Variants in KIAA1328 observed in about 807,000 individuals in gnomAD.
The protein encoded by KIAA1328 is protein hinderin.
In KIAA1328, 52 loss-of-function variants were observed where a neutral mutation model predicts 68.1. The ratio of observed to expected loss-of-function variants is 0.76; its 90% CI spans 0.61 to 0.96. KIAA1328 has a LOEUF of 0.96. Ranked by LOEUF, KIAA1328 falls within the 40% of genes least tolerant of loss-of-function variation. The probability of loss-of-function intolerance (pLI) is 0.00; values close to 1 mark genes in which losing one functional copy is unlikely to be tolerated. For synonymous variants in KIAA1328, 232 were observed against 239.4 expected, an observed-to-expected ratio of 0.97 and a Z score of 0.28; for missense variants, 641 against 677.6, an observed-to-expected ratio of 0.95 and a Z score of 0.60.
rs531426547 is a variant in KIAA1328 at position 37,043,892 on chromosome 18, AC to A, written c.577-22996del. Among the ~76,000 whole-genome samples, 21 of 152,246 alleles carry A rather than the reference AC, an allele frequency of 1.4e-4. 1 individual carries two copies. The South Asian group carries it at 3.9e-3, about 29-fold the overall frequency. On this transcript the variant is annotated intron_variant, in intron 6 of 9. Coordinates refer to ENST00000280020, the MANE Select transcript of KIAA1328 (RefSeq NM_020776.3). ...CTTGTTAAATATCTGACTGCCAGAC[AC>A]CTACCTGCCTCATCCAGTCAGTTCT... is the stretch of plus-strand genomic sequence containing the variant.
chr18:37,212,771 A>G (rs1161413761), intron 9 of KIAA1328, among the ~76,000 whole-genome samples: 2 of 152,142 alleles, frequency 1.3e-5, no homozygotes, highest in Non-Finnish European at 2.9e-5. Context: ...CCCAGGCTGG[A>G]GTGCACTGGC....
chr18:36,940,319 C>T (rs529616263), intron 5 of KIAA1328, among the ~76,000 whole-genome samples: 2 of 152,298 alleles, frequency 1.3e-5, no homozygotes, highest in Admixed American at 6.5e-5. Flanking sequence ...CAGGATTTTG[C>T]ATGTCTTAGA....
chr18:37,215,075 A>G (rs986796626), intron 9 of KIAA1328, among the ~76,000 whole-genome samples: 2 of 152,218 alleles, frequency 1.3e-5, no homozygotes, highest in African/African-American at 4.8e-5. Flanking sequence ...TTTTCTAAAT[A>G]TACCATCATG....
intron 7 of KIAA1328, chr18:37,074,617 T>C (rs577270716): frequency 6.6e-6 from 1 of 152,412 alleles, no homozygotes; most frequent in Admixed American, 6.5e-5. Flanking sequence ...GTTCACGTAG[T>C]TCTTGAGTCT....
At chr18:37,099,374 G>C (rs1182156622) in intron 7 of KIAA1328, among the ~76,000 whole-genome samples, 1 of 152,188 alleles carries the variant, frequency 6.6e-6, no homozygotes, top group Non-Finnish European at 1.5e-5. Context: ...TTTCCATGTA[G>C]TTGAGCGGTT....
chr18:36,933,972 G>A (rs183779979), intron 5 of KIAA1328, among the ~76,000 whole-genome samples: 100 of 152,274 alleles, frequency 6.6e-4, no homozygotes, highest in Admixed American at 1.4e-3. Flanking sequence ...CAGCTGCCCC[G>A]TGTGTAAAAG....
intron 3 of KIAA1328, among the ~76,000 whole-genome samples, chr18:36,838,927 G>A (rs755125642): frequency 2.5e-4 from 38 of 152,096 alleles, no homozygotes; most frequent in Non-Finnish European, 4.9e-4. Flanking sequence ...TAGAGATGGG[G>A]TTTCACCATG....
At chr18:36,971,535 A>G (rs920666043) in intron 6 of KIAA1328, among the ~76,000 whole-genome samples, 14 of 152,196 alleles carry the variant, frequency 9.2e-5, no homozygotes, top group South Asian at 2.1e-4. Flanking sequence ...AGACTGAGGC[A>G]GGAGAATCGC....
intron 7 of KIAA1328, among the ~76,000 whole-genome samples, chr18:37,108,555 A>G (rs1292949029): frequency 6.6e-6 from 1 of 152,244 alleles, no homozygotes; most frequent in African/African-American, 2.4e-5. Context: ...TTTAAAATAT[A>G]TAAATTTCTA....
intron 6 of KIAA1328, among the ~76,000 whole-genome samples, chr18:36,980,837 C>T (rs1256618071): frequency 6.6e-6 from 1 of 152,152 alleles, no homozygotes; most frequent in Non-Finnish European, 1.5e-5. Context: ...CTTGCACAAG[C>T]TCTCCTTGCC....
chr18:37,181,586 A>G lies in KIAA1328; in HGVS notation c.1523+8505A>G, dbSNP rs531234956. Among the ~76,000 whole-genome samples, 13 of 152,322 alleles carry G rather than the reference A, an allele frequency of 8.5e-5. No homozygotes were observed. The South Asian group carries it at 2.7e-3, about 32-fold the overall frequency. On this transcript the variant is annotated intron_variant, in intron 9 of 9. Coordinates refer to ENST00000280020, the MANE Select transcript of KIAA1328 (RefSeq NM_020776.3). Reference sequence around the variant, plus strand: ...GTGTAAGTTAGGAAAATAAAGACAAATAGGCTAGGCAGAAATAATAACGAT... The same window carrying G: ...GTGTAAGTTAGGAAAATAAAGACAAGTAGGCTAGGCAGAAATAATAACGAT...
intron 7 of KIAA1328, among the ~76,000 whole-genome samples, chr18:37,140,360 G>T (rs990145289): frequency 2.6e-5 from 4 of 152,010 alleles, no homozygotes; most frequent in Admixed American, 2.6e-4. Context: ...AAAACAAAAG[G>T]TTAATGTTTT....
chr18:36,992,039 A>C (rs759774944), intron 6 of KIAA1328, among the ~76,000 whole-genome samples: 3 of 152,196 alleles, frequency 2.0e-5, no homozygotes, highest in Non-Finnish European at 4.4e-5. Flanking sequence ...ACATCTTTTC[A>C]TAGGTATGTT....
At chr18:37,151,589 G>T (rs367597837) in intron 7 of KIAA1328, among the ~76,000 whole-genome samples, 1 of 152,072 alleles carries the variant, frequency 6.6e-6, no homozygotes, top group Middle Eastern at 3.2e-3. Flanking sequence ...TAAATAGATC[G>T]ATGGAAAAGA....
Position 37,054,785 on chromosome 18 carries a change from A to T in KIAA1328, c.577-12105A>T, listed in dbSNP as rs550414595. ...ATTATGCAGTACATCCACATAACAA[A>T]TTTGCACATGAACCCCCTGAATCTA... On this transcript the variant is annotated intron_variant, in intron 6 of 9. Coordinates refer to ENST00000280020, the MANE Select transcript of KIAA1328 (RefSeq NM_020776.3). 1.7e-4 allele frequency among the ~76,000 whole-genome samples: 26 copies of T among 152,276 alleles called. No homozygotes were observed. In the South Asian group the frequency reaches 3.7e-3, roughly 22 times the overall value.
intron 7 of KIAA1328, among the ~76,000 whole-genome samples, chr18:37,138,995 C>T (rs1231221252): frequency 1.7e-5 from 2 of 120,314 alleles, no homozygotes; most frequent in African/African-American, 3.5e-5. Flanking sequence ...CTCGCTGTGT[C>T]GCCCAGGCTG....
intron 1 of KIAA1328, chr18:36,829,398 G>A (rs2046377581): frequency 1.5e-6 from 2 of 1,355,226 alleles, no homozygotes; most frequent in Non-Finnish European, 1.9e-6. Flanking sequence ...CTGTCTGCAG[G>A]TGTGGGGACA....
chr18:37,097,127 T>G (rs1170998372), intron 7 of KIAA1328, among the ~76,000 whole-genome samples: 1 of 152,230 alleles, frequency 6.6e-6, no homozygotes, highest in Non-Finnish European at 1.5e-5. Context: ...GCTTTTGGTG[T>G]TTTAGACATG....
At chr18:37,095,569 G>T (rs923578445) in intron 7 of KIAA1328, among the ~76,000 whole-genome samples, 1 of 152,010 alleles carries the variant, frequency 6.6e-6, no homozygotes, top group African/African-American at 2.4e-5. Flanking sequence ...ATGGGATACA[G>T]AAAAAGCCCT....
Sources: allele counts gnomAD v4.1 joint callset (sites outside exome capture counted in the v4.1 genomes callset), GRCh38; gene constraint gnomAD v4.1.1; transcripts MANE v1.5; gene names NCBI Gene and HGNC (gene_info 2026-07-23, HGNC 2026-07-21).